Variants in PDE4D observed in about 807,000 individuals in gnomAD.
PDE4D encodes phosphodiesterase 4D.
In PDE4D, 24 loss-of-function variants were observed where a neutral mutation model predicts 87.4. That is an observed-to-expected ratio of 0.27 (90% CI 0.20 to 0.39). PDE4D has a LOEUF of 0.39. Ranked by LOEUF, PDE4D falls within the 10% of genes least tolerant of loss-of-function variation. The pLI, the probability that PDE4D is intolerant of heterozygous loss-of-function variation, is 1.00. For synonymous variants in PDE4D, 384 were observed against 383.2 expected (o/e 1.00, Z -0.02); for missense variants, 714 against 1,041.0 (o/e 0.69, Z 4.32).
At chr5:59,412,841 A>AT (rs1475312011) in intron 1 of PDE4D, among the ~76,000 whole-genome samples, 4 of 152,186 alleles carry the variant, frequency 2.6e-5, no homozygotes, top group African/African-American at 4.8e-5. Flanking sequence ...ATATCCCTGA[A>AT]TTTTTTATAG....
At chr5:60,476,490 A>G (rs1293772291) in intron 1 of PDE4D, among the ~76,000 whole-genome samples, 1 of 152,198 alleles carries the variant, frequency 6.6e-6, no homozygotes, top group Non-Finnish European at 1.5e-5. Flanking sequence ...CCCACGCAGC[A>G]GCCAGAATCA....
intron 5 of PDE4D, chr5:59,039,428 G>A: frequency 2.0e-6 from 2 of 993,934 alleles, no homozygotes; most frequent in East Asian, 1.1e-4. Flanking sequence ...CCGGAGCCGC[G>A]GCCCCACGCC....
intron 2 of PDE4D, among the ~76,000 whole-genome samples, chr5:60,180,753 A>G (rs1784314743): frequency 6.6e-6 from 1 of 152,120 alleles, no homozygotes; most frequent in Admixed American, 6.6e-5. Flanking sequence ...ACAACTTCTC[A>G]TATCAATTTG....
chr5:60,458,855 A>T (rs1366004793), intron 1 of PDE4D, among the ~76,000 whole-genome samples: 4 of 152,136 alleles, frequency 2.6e-5, no homozygotes, highest in Non-Finnish European at 4.4e-5. Flanking sequence ...CAGAATAGTC[A>T]TTCCTGCTCA....
intron 1 of PDE4D, chr5:60,430,181 T>C: frequency 3.8e-6 from 2 of 523,240 alleles, no homozygotes; most frequent in Non-Finnish European, 7.6e-6. Flanking sequence ...ACTCCATGAA[T>C]GCACTTATGA....
At chr5:59,662,240 T>C (rs1158344383) in intron 1 of PDE4D, among the ~76,000 whole-genome samples, 1 of 152,126 alleles carries the variant, frequency 6.6e-6, no homozygotes, top group Non-Finnish European at 1.5e-5. Flanking sequence ...AACAAGAAAA[T>C]ACTTTGGCTG....
chr5:59,154,072 A>G (rs755811270), intron 5 of PDE4D, among the ~76,000 whole-genome samples: 9 of 152,194 alleles, frequency 5.9e-5, no homozygotes, highest in Non-Finnish European at 1.0e-4. Context: ...GGTACAATAC[A>G]TATCTGGATA....
chr5:59,443,136 G>A (rs1797881842), intron 1 of PDE4D, among the ~76,000 whole-genome samples: 2 of 152,162 alleles, frequency 1.3e-5, no homozygotes, highest in South Asian at 2.1e-4. Context: ...AGTACCTACT[G>A]TGTGGCTCAA....
chr5:60,164,517 A>C (rs1413378301), intron 2 of PDE4D, among the ~76,000 whole-genome samples: 1 of 152,210 alleles, frequency 6.6e-6, no homozygotes, highest in South Asian at 2.1e-4. Flanking sequence ...TAAATGGTGC[A>C]GAAACAAGAG....
intron 5 of PDE4D, among the ~76,000 whole-genome samples, chr5:59,066,375 T>C (rs1294624280): frequency 6.6e-6 from 1 of 152,050 alleles, no homozygotes; most frequent in East Asian, 1.9e-4. Context: ...AAGGGTGAAG[T>C]GCAGAAAGGA....
chr5:59,948,014 G>C (rs1220967016), intron 3 of PDE4D, among the ~76,000 whole-genome samples: 1 of 152,132 alleles, frequency 6.6e-6, no homozygotes, highest in East Asian at 1.9e-4. Flanking sequence ...CTCAAAAAAA[G>C]AGTAGCTCCA....
At chr5:59,741,554 C>G (rs1000799635) in intron 1 of PDE4D, among the ~76,000 whole-genome samples, 58 of 152,056 alleles carry the variant, frequency 3.8e-4, no homozygotes, top group African/African-American at 1.4e-3. Flanking sequence ...TATAAAGTTG[C>G]CGTATATTTA....
intron 1 of PDE4D, among the ~76,000 whole-genome samples, chr5:59,375,048 C>T (rs992529773): frequency 9.9e-5 from 15 of 152,276 alleles, no homozygotes; most frequent in African/African-American, 3.4e-4. Context: ...TTAGGACAGA[C>T]ATTTATAGCA....
intron 1 of PDE4D, among the ~76,000 whole-genome samples, chr5:60,408,904 T>A (rs1368686347): frequency 6.6e-6 from 1 of 152,200 alleles, no homozygotes; most frequent in Non-Finnish European, 1.5e-5. Context: ...ATGTTAATAA[T>A]CATAATGATT....
At chr5:60,132,313 T>C (rs1270955925) in intron 2 of PDE4D, among the ~76,000 whole-genome samples, 1 of 152,192 alleles carries the variant, frequency 6.6e-6, no homozygotes, top group Non-Finnish European at 1.5e-5. Flanking sequence ...GTAATCCCTG[T>C]ATATTTTAGA....
intron 1 of PDE4D, among the ~76,000 whole-genome samples, chr5:59,720,861 T>C (rs1755725238): frequency 6.6e-6 from 1 of 152,120 alleles, no homozygotes; most frequent in African/African-American, 2.4e-5. Context: ...ACAAGGGCCT[T>C]AGTATGTTTA....
rs148882960 is a variant in PDE4D at position 59,507,549 on chromosome 5, T to C, written c.456-291581A>G. Among the ~76,000 whole-genome samples, 130 of 147,918 alleles carry C rather than the reference T, an allele frequency of 8.8e-4. 1 individual carries two copies. Among genetic ancestry groups the C allele is most frequent in the Non-Finnish European group, 8.4e-4 (56 of 66,928 alleles). On this transcript the variant is annotated intron_variant, in intron 1 of 14. Coordinates refer to ENST00000340635, the MANE Select transcript of PDE4D (RefSeq NM_001104631.2). ...GTGTGGTGTCATATGTCTGTAGTCC[T>C]AGCTACTTGGGAGGCTGAGGCAGGA...
chr5:59,111,805 C>G (rs1561503581), intron 5 of PDE4D, among the ~76,000 whole-genome samples: 1 of 152,198 alleles, frequency 6.6e-6, no homozygotes, highest in African/African-American at 2.4e-5. Flanking sequence ...GCCAAATCAT[C>G]TGTGTAACAG....
chr5:60,193,697 GAAAAAGAA>G (rs1740838128), intron 1 of PDE4D, among the ~76,000 whole-genome samples: 1 of 131,362 alleles, frequency 7.6e-6, no homozygotes, highest in African/African-American at 2.8e-5. Flanking sequence ...AAAAAAGAAA[GAAAAAGAA>G]AAAAAGAAAA....
Sources: gnomAD v4.1 joint callset for allele counts (sites outside exome capture counted in the v4.1 genomes callset) on GRCh38, gnomAD v4.1.1 for gene constraint, MANE v1.5 for transcripts, NCBI Gene and HGNC (gene_info 2026-07-23, HGNC 2026-07-21) for gene names.